Variants in GMEB1 observed in about 807,000 individuals in gnomAD.
GMEB1 encodes glucocorticoid modulatory element-binding protein 1.
GMEB1 carries 6 observed loss-of-function variants against 52.4 expected under a neutral mutation model. The ratio of observed to expected loss-of-function variants is 0.11; its 90% confidence interval spans 0.06 to 0.23. GMEB1 has a LOEUF of 0.23. GMEB1 is among the 10% of genes least tolerant of loss of function. The probability of loss-of-function intolerance (pLI) is 1.00; values close to 1 mark genes in which losing one functional copy is unlikely to be tolerated. For synonymous variants in GMEB1, 255 were observed against 244.9 expected (o/e 1.04, Z -0.38); for missense variants, 486 against 685.6 (o/e 0.71, Z 3.25).
chr1:28,705,474 G>A (rs1570430694), intron 8 of GMEB1, among the ~76,000 whole-genome samples: 1 of 147,134 alleles, frequency 6.8e-6, no homozygotes, highest in African/African-American at 2.5e-5. Context: ...TCCTGAGACG[G>A]AGTTTCACTC....
intron 6 of GMEB1, among the ~76,000 whole-genome samples, chr1:28,697,797 G>T (rs1670294225): frequency 6.6e-6 from 1 of 152,062 alleles, no homozygotes; most frequent in African/African-American, 2.4e-5. Context: ...CGTGGTGGCT[G>T]ACGCCTGTAA....
intron 6 of GMEB1, among the ~76,000 whole-genome samples, chr1:28,697,565 T>A (rs1349556732): frequency 6.6e-6 from 1 of 152,222 alleles, no homozygotes; most frequent in African/African-American, 2.4e-5. Context: ...TTGTAAAGTA[T>A]GGTAATCTTG....
At chr1:28,669,082 C>A (rs1285951795) in intron 1 of GMEB1, among the ~76,000 whole-genome samples, 2 of 147,814 alleles carry the variant, frequency 1.4e-5, no homozygotes, top group Admixed American at 6.7e-5. Flanking sequence ...GCCGCCGGGC[C>A]GCCCCCAGCG....
intron 1 of GMEB1, among the ~76,000 whole-genome samples, chr1:28,670,416 C>T (rs137941788): frequency 3.0e-3 from 457 of 152,300 alleles, no homozygotes; most frequent in African/African-American, 0.01. Flanking sequence ...CAACCTCCGC[C>T]TCTTGGGTTC....
intron 8 of GMEB1, among the ~76,000 whole-genome samples, chr1:28,705,809 T>A (rs1041727932): frequency 4.6e-5 from 7 of 151,954 alleles, no homozygotes; most frequent in African/African-American, 1.7e-4. Flanking sequence ...CCACTATGTG[T>A]ATGTATAGAG....
chr1:28,684,009 T>C (rs1669514448), intron 2 of GMEB1, among the ~76,000 whole-genome samples: 1 of 152,078 alleles, frequency 6.6e-6, no homozygotes, highest in South Asian at 2.1e-4. Flanking sequence ...CTTATTTTAT[T>C]ATTATTTTTC....
chr1:28,690,203 GTTTTT>G lies in GMEB1; in HGVS notation c.211+34_211+38del, dbSNP rs878890649. 4.5e-4 allele frequency: 233 copies of G among 515,424 alleles called. No individual in the cohort carries two copies. The highest frequency in any genetic ancestry group is 8.0e-4 in the South Asian group (34 of 42,598). 31.9% of individuals were successfully genotyped at this position (515,424 alleles called of 1,614,324 possible). Reference sequence around the variant, plus strand: ...AAGGGATTGGTAAGGGTTTTTTTGTGTTTTTTTTTTTTTTTTTTTTTGTCATTCTA... The same window carrying G: ...AAGGGATTGGTAAGGGTTTTTTTGTGTTTTTTTTTTTTTTTTGTCATTCTA... On this transcript the variant is annotated intron_variant, in intron 3 of 9. Coordinates refer to ENST00000373816, the MANE Select transcript of GMEB1 (RefSeq NM_001319674.2).
At chr1:28,676,069 A>T (rs1669139969) in intron 1 of GMEB1, among the ~76,000 whole-genome samples, 1 of 152,184 alleles carries the variant, frequency 6.6e-6, no homozygotes, top group Non-Finnish European at 1.5e-5. Flanking sequence ...AAGGCTAGAG[A>T]AGAAGCCAGA....
At chr1:28,680,036 G>T (rs1288844101) in intron 1 of GMEB1, among the ~76,000 whole-genome samples, 1 of 151,948 alleles carries the variant, frequency 6.6e-6, no homozygotes, top group South Asian at 2.1e-4. Flanking sequence ...ACCAACTCCC[G>T]ACCTCAGGTG....
Position 28,682,973 on chromosome 1 carries a change from G to A in GMEB1, c.-30-610G>A, listed in dbSNP as rs79409416. ...CTGTCAACTTAGTGTCACTAAACTC[G>A]AAGTTGGAAGAGATATGTGTGCACA... On this transcript the variant is annotated intron_variant, in intron 1 of 9. Coordinates refer to ENST00000373816, the MANE Select transcript of GMEB1 (RefSeq NM_001319674.2). 6.4e-4 allele frequency among the ~76,000 whole-genome samples: 98 copies of A among 152,262 alleles called. 2 individuals are homozygous for A. The East Asian group carries it at 0.019, about 29-fold the overall frequency.
intron 1 of GMEB1, among the ~76,000 whole-genome samples, chr1:28,675,726 GA>G (rs1413023634): frequency 6.7e-6 from 1 of 148,544 alleles, no homozygotes; most frequent in Non-Finnish European, 1.5e-5. Context: ...ATTAAAAAAA[GA>G]AAAAAGAATT....
At chr1:28,695,918 G>A (rs1222214383) in intron 5 of GMEB1, among the ~76,000 whole-genome samples, 1 of 91,412 alleles carries the variant, frequency 1.1e-5, no homozygotes, top group East Asian at 3.5e-4. Flanking sequence ...CAGCCTGGGC[G>A]ACAGAGCGAG....
chr1:28,700,189 G>A (rs1670427877), intron 6 of GMEB1, among the ~76,000 whole-genome samples: 1 of 151,848 alleles, frequency 6.6e-6, no homozygotes. Context: ...CCAACGTGGT[G>A]AAACCCCATC....
At chr1:28,670,799 G>T (rs1475614033) in intron 1 of GMEB1, among the ~76,000 whole-genome samples, 1 of 152,068 alleles carries the variant, frequency 6.6e-6, no homozygotes, top group Non-Finnish European at 1.5e-5. Context: ...TGGTTGCACC[G>T]TCTCCTAATT....
At chr1:28,689,943 GTT>G in intron 2 of GMEB1, 159 bp from the exon 3 acceptor site, 1 of 522,344 alleles carries the variant, frequency 1.9e-6, no homozygotes, top group East Asian at 3.2e-5. Context: ...ATCCTGGGAG[GTT>G]TGGAGTTTAA....
At chr1:28,669,019 G>A (rs1668744446) in intron 1 of GMEB1, among the ~76,000 whole-genome samples, 180 bp downstream of exon 1, 1 of 143,854 alleles carries the variant, frequency 7.0e-6, no homozygotes, top group African/African-American at 2.5e-5. Flanking sequence ...GGAGCGAGCG[G>A]ACGTCGCGGC....
intron 6 of GMEB1, among the ~76,000 whole-genome samples, chr1:28,698,056 C>T (rs751048953): frequency 3.9e-5 from 6 of 152,062 alleles, no homozygotes; most frequent in Non-Finnish European, 8.8e-5. Context: ...AGGAGAATGG[C>T]GTGAACTCGG....
At chr1:28,703,686 T>TAAAAAAAG (rs1557517826) in intron 7 of GMEB1, among the ~76,000 whole-genome samples, 3 of 151,492 alleles carry the variant, frequency 2.0e-5, no homozygotes, top group Non-Finnish European at 4.4e-5. Flanking sequence ...AATAAAAAAA[T>TAAAAAAAG]AAAAAAAGAA....
At chr1:28,688,728 C>T (rs1006854640) in intron 2 of GMEB1, among the ~76,000 whole-genome samples, 2 of 151,798 alleles carry the variant, frequency 1.3e-5, no homozygotes, top group Non-Finnish European at 2.9e-5. Context: ...CCCACCACCC[C>T]CAGCAAAATA....
Sources: gnomAD v4.1 joint callset for allele counts (sites outside exome capture counted in the v4.1 genomes callset) on GRCh38, gnomAD v4.1.1 for gene constraint, MANE v1.5 for transcripts, NCBI Gene and HGNC (gene_info 2026-07-23, HGNC 2026-07-21) for gene names.